Variants in FAM171B observed in about 807,000 individuals in gnomAD.
FAM171B encodes protein FAM171B.
Under a neutral mutation model 75.6 loss-of-function variants are expected in FAM171B, and 19 were observed. That is an observed-to-expected ratio of 0.25 (90% CI 0.18 to 0.37). The LOEUF (loss-of-function observed/expected upper bound fraction) is 0.37. Among genes scored for constraint, FAM171B ranks in the 10% least tolerant of loss-of-function variants. The probability of loss-of-function intolerance (pLI) is 1.00; values close to 1 mark genes in which losing one functional copy is unlikely to be tolerated. For missense variants in FAM171B, 848 were observed against 982.4 expected, an observed-to-expected ratio of 0.86 and a Z score of 1.83; for synonymous variants, 367 against 361.7, an observed-to-expected ratio of 1.01 and a Z score of -0.17.
intron 1 of FAM171B, among the ~76,000 whole-genome samples, chr2:186,719,916 T>C (rs1689927782): frequency 6.6e-6 from 1 of 152,186 alleles, no homozygotes; most frequent in South Asian, 2.1e-4. Flanking sequence ...CATACAGTAA[T>C]AAGAAAATAG....
chr2:186,728,590 A>T (rs1317025152), intron 1 of FAM171B, among the ~76,000 whole-genome samples: 3 of 152,246 alleles, frequency 2.0e-5, no homozygotes, highest in Non-Finnish European at 4.4e-5. Flanking sequence ...CTCAATAAAA[A>T]TTTTGAATTT....
intron 1 of FAM171B, among the ~76,000 whole-genome samples, chr2:186,732,821 G>A (rs1250983686): frequency 6.6e-6 from 1 of 152,184 alleles, no homozygotes; most frequent in Admixed American, 6.6e-5. Flanking sequence ...CTAGAGGAAG[G>A]TCATATTTCA....
At chr2:186,735,330 G>A (rs1029529027) in intron 1 of FAM171B, among the ~76,000 whole-genome samples, 2 of 152,214 alleles carry the variant, frequency 1.3e-5, no homozygotes, top group African/African-American at 4.8e-5. Flanking sequence ...GCTTCTGGGT[G>A]CTGCCACTGG....
chr2:186,729,326 T>C (rs985779869), intron 1 of FAM171B, among the ~76,000 whole-genome samples: 4 of 148,304 alleles, frequency 2.7e-5, no homozygotes, highest in African/African-American at 4.9e-5. Context: ...ATAAATATGC[T>C]CATTGAAAGC....
chr2:186,702,046 G>A (rs1157125401), intron 1 of FAM171B, among the ~76,000 whole-genome samples: 2 of 152,216 alleles, frequency 1.3e-5, no homozygotes, highest in African/African-American at 4.8e-5. Context: ...ACCTGGAAGA[G>A]TCTAAAACCA....
At chr2:186,707,348 A>T (rs901691533) in intron 1 of FAM171B, among the ~76,000 whole-genome samples, 1 of 152,018 alleles carries the variant, frequency 6.6e-6, no homozygotes, top group Non-Finnish European at 1.5e-5. Context: ...CTTTCTAAAT[A>T]TATTCCTCAT....
chr2:186,727,948 T>C (rs1690059575), intron 1 of FAM171B, among the ~76,000 whole-genome samples: 1 of 152,148 alleles, frequency 6.6e-6, no homozygotes. Flanking sequence ...CTGAATATTT[T>C]GTGTGAAAAT....
In FAM171B at chr2:186,761,193, G is replaced by A; in HGVS notation, c.1093G>A (p.Val365Ile). Residue 365 changes from valine (V) to isoleucine (I), a missense_variant, in exon 7 of 8, where the codon GTC becomes ATC. Val to Ile is a conservative substitution (Grantham distance 29). This residue lies in a region of FAM171B where 665 missense variants were observed against 729.0 expected (regional missense o/e 0.91). Transcript: ENST00000304698. Reference protein sequence around the residue: ...FLTAILGGTIVIVIGFFAVLL... With the variant: ...FLTAILGGTIIIVIGFFAVLL... ...TACAGCCATATTAGGAGGAACAATA[G>A]TCATTGTCATTGGATTTTTTGCTGT... The A allele has an allele frequency of 1.9e-6, 3 of 1,612,542 alleles. No individual in the cohort carries two copies. Among genetic ancestry groups the A allele is most frequent in the Non-Finnish European group, 2.5e-6 (3 of 1,179,176 alleles).
rs746262342 is a variant in FAM171B at position 186,762,091 on chromosome 2, G to A, written c.1749G>A (p.Thr583=). The change falls in exon 8 of 8, where the codon ACG becomes ACA. Residue 583 remains threonine (T), a synonymous_variant. Transcript: ENST00000304698. The surrounding 1 kb of genome is among the most constrained non-coding windows in gnomAD (Gnocchi z 4.0). ...LMEPVNRENF[T]QTLPKMPIHS... ...AACCAGTAAATCGAGAGAACTTTAC[G>A]CAGACCTTGCCCAAAATGCCAATTC... The A allele has an allele frequency of 2.7e-5, 43 of 1,613,490 alleles. No individual in the cohort carries two copies. The highest frequency in any genetic ancestry group is 1.6e-4 in the Middle Eastern group (1 of 6,080).
intron 1 of FAM171B, among the ~76,000 whole-genome samples, chr2:186,736,604 T>A (rs1169983418): frequency 6.8e-6 from 1 of 146,628 alleles, no homozygotes; most frequent in African/African-American, 2.5e-5. Context: ...GAATAGTGTT[T>A]GGATAACATT....
intron 1 of FAM171B, among the ~76,000 whole-genome samples, chr2:186,737,829 T>A (rs931643818): frequency 3.3e-5 from 5 of 152,266 alleles, no homozygotes; most frequent in African/African-American, 1.2e-4. Flanking sequence ...GTGTTAAATC[T>A]ATGTAACTTG....
chr2:186,700,239 T>C (rs187053303), intron 1 of FAM171B, among the ~76,000 whole-genome samples: 2 of 144,486 alleles, frequency 1.4e-5, no homozygotes, highest in African/African-American at 5.1e-5. Flanking sequence ...CTGAGTTTTG[T>C]TTTTTTTTTC....
At chr2:186,756,153 G>C (rs1433094474) in intron 6 of FAM171B, among the ~76,000 whole-genome samples, 1 of 111,050 alleles carries the variant, frequency 9.0e-6, no homozygotes, top group Non-Finnish European at 2.1e-5. Flanking sequence ...AAACCACATG[G>C]AAGTTCTGTT....
At chr2:186,721,484 T>A (rs1038914692) in intron 1 of FAM171B, among the ~76,000 whole-genome samples, 2 of 146,738 alleles carry the variant, frequency 1.4e-5, no homozygotes, top group African/African-American at 2.4e-5. Flanking sequence ...TACTAAATGT[T>A]TTTTTCAAAG....
intron 1 of FAM171B, among the ~76,000 whole-genome samples, chr2:186,716,032 T>A (rs2595374): frequency 0.99 from 151,068 of 152,284 alleles, 74,936 homozygotes; most frequent in Middle Eastern, 1. Flanking sequence ...CAGAAGTTTA[T>A]ATTTAAATTG....
intron 1 of FAM171B, among the ~76,000 whole-genome samples, chr2:186,715,028 A>T (rs1183341092): frequency 6.6e-6 from 1 of 152,222 alleles, no homozygotes; most frequent in African/African-American, 2.4e-5. Context: ...CCAATAATTT[A>T]AAAAATATGA....
intron 1 of FAM171B, among the ~76,000 whole-genome samples, chr2:186,734,911 G>T (rs1257577007): frequency 6.6e-6 from 1 of 152,220 alleles, no homozygotes; most frequent in Non-Finnish European, 1.5e-5. Context: ...CCACAACTTT[G>T]CTTTGCCCCA....
chr2:186,729,411 C>T (rs745929128), intron 1 of FAM171B, among the ~76,000 whole-genome samples: 3 of 151,822 alleles, frequency 2.0e-5, no homozygotes, highest in Non-Finnish European at 4.4e-5. Context: ...ATCATGGAAT[C>T]TGCCCTGTCT....
At chr2:186,753,423 G>A (rs1182022976) in intron 5 of FAM171B, among the ~76,000 whole-genome samples, 1 of 152,148 alleles carries the variant, frequency 6.6e-6, no homozygotes, top group Non-Finnish European at 1.5e-5. Context: ...CAAGAAATGT[G>A]AAAATTTAGT....
Sources: gnomAD v4.1 joint callset for allele counts (sites outside exome capture counted in the v4.1 genomes callset) on GRCh38, gnomAD v4.1.1 for gene constraint, gnomAD v4.1.1 regional missense constraint, Gnocchi (gnomAD v3.1) non-coding constraint, MANE v1.5 for transcripts, NCBI Gene and HGNC (gene_info 2026-07-23, HGNC 2026-07-21) for gene names.